MGAT5: variants seen among roughly 807,000 people sequenced by gnomAD.
The protein encoded by MGAT5 is alpha-1,6-mannosylglycoprotein 6-beta-N-acetylglucosaminyltransferase.
A neutral mutation model predicts 94.3 loss-of-function variants in MGAT5; 30 were observed. That is an observed-to-expected ratio of 0.32 (90% CI 0.24 to 0.43). The LOEUF (loss-of-function observed/expected upper bound fraction) is 0.43. Ranked by LOEUF, MGAT5 falls within the 20% of genes least tolerant of loss-of-function variation. The probability of loss-of-function intolerance (pLI) is 1.00; values close to 1 mark genes in which losing one functional copy is unlikely to be tolerated. For missense variants in MGAT5, 691 were observed against 905.5 expected, an observed-to-expected ratio of 0.76 and a Z score of 3.04; for synonymous variants, 310 against 322.9, an observed-to-expected ratio of 0.96 and a Z score of 0.43.
chr2:134,361,735 A>G (rs762615999), intron 9 of MGAT5, among the ~76,000 whole-genome samples: 21 of 152,120 alleles, frequency 1.4e-4, no homozygotes, highest in Non-Finnish European at 2.9e-4. Flanking sequence ...CCATAATTAC[A>G]TCTTTTATGA....
intron 10 of MGAT5, among the ~76,000 whole-genome samples, chr2:134,364,790 A>C (rs1680321318): frequency 6.6e-6 from 1 of 152,246 alleles, no homozygotes; most frequent in Admixed American, 6.5e-5. Context: ...TAAAGTTTTC[A>C]CATGAATTCA....
At chr2:134,183,184 T>A (rs1688834375) in intron 1 of MGAT5, among the ~76,000 whole-genome samples, 1 of 152,250 alleles carries the variant, frequency 6.6e-6, no homozygotes, top group South Asian at 2.1e-4. Flanking sequence ...CTGGGCAATT[T>A]TCAGTGGTAG....
At chr2:134,285,985 C>T (rs932124682) in intron 2 of MGAT5, among the ~76,000 whole-genome samples, 2 of 152,178 alleles carry the variant, frequency 1.3e-5, no homozygotes, top group Admixed American at 1.3e-4. Flanking sequence ...TCTGATACAT[C>T]TTTCTGTTTT....
intron 2 of MGAT5, among the ~76,000 whole-genome samples, chr2:134,292,242 G>A (rs563898566): frequency 3.3e-5 from 5 of 152,292 alleles, no homozygotes; most frequent in Non-Finnish European, 7.4e-5. Context: ...GGTATTTACT[G>A]TTAATAGCAA....
At chr2:134,402,846 G>A in intron 10 of MGAT5, 142 bp from the exon 11 acceptor site, 1 of 761,592 alleles carries the variant, frequency 1.3e-6, no homozygotes, top group South Asian at 2.8e-5. Context: ...AATTTTAGCA[G>A]TTTGATTGCC....
At chr2:134,264,100 G>A (rs1683528702) in intron 1 of MGAT5, among the ~76,000 whole-genome samples, 2 of 139,702 alleles carry the variant, frequency 1.4e-5, no homozygotes, top group Admixed American at 7.9e-5. Flanking sequence ...TCGGCTCGCC[G>A]CAATCTCCGC....
chr2:134,131,151 C>T (rs1686141455), intron 1 of MGAT5, among the ~76,000 whole-genome samples: 1 of 152,216 alleles, frequency 6.6e-6, no homozygotes, highest in South Asian at 2.1e-4. Context: ...CTCCTGAGGC[C>T]AGCGAGCTCA....
intron 1 of MGAT5, among the ~76,000 whole-genome samples, chr2:134,155,278 C>T (rs766792689): frequency 6.6e-6 from 1 of 152,228 alleles, no homozygotes; most frequent in Non-Finnish European, 1.5e-5. Context: ...CTTCCATTCT[C>T]ACTTCCCTGT....
upstream of MGAT5, among the ~76,000 whole-genome samples, chr2:134,250,798 C>T (rs924401893): frequency 6.6e-6 from 1 of 152,180 alleles, no homozygotes; most frequent in African/African-American, 2.4e-5. Flanking sequence ...TTCAAATTTG[C>T]ATGTCTCTGA....
intron 10 of MGAT5, among the ~76,000 whole-genome samples, chr2:134,371,308 A>C (rs1023404319): frequency 6.6e-6 from 1 of 152,182 alleles, no homozygotes; most frequent in Non-Finnish European, 1.5e-5. Context: ...TTTTGAGTTG[A>C]ATAACGAGTT....
At chr2:134,327,211 G>A (rs574128134) in intron 4 of MGAT5, among the ~76,000 whole-genome samples, 13 of 152,166 alleles carry the variant, frequency 8.5e-5, no homozygotes, top group African/African-American at 2.6e-4. Flanking sequence ...AAGCAGGGGC[G>A]TTTTGAGCAC....
intron 13 of MGAT5, among the ~76,000 whole-genome samples, chr2:134,426,257 C>T (rs903314338): frequency 6.6e-6 from 1 of 152,174 alleles, no homozygotes; most frequent in Admixed American, 6.5e-5. Flanking sequence ...ATCTCTCCCT[C>T]CTTTTTGCTT....
chr2:134,449,098 A>G lies in MGAT5; in HGVS notation c.*251A>G. 1.9e-6 allele frequency: 1 copy of G among 533,930 alleles called. No individual in the cohort carries two copies. The highest frequency in any genetic ancestry group is 3.4e-6 in the Non-Finnish European group (1 of 296,502). 33.1% of individuals were successfully genotyped at this position (533,930 alleles called of 1,614,324 possible). On this transcript the variant is annotated 3_prime_UTR_variant, in exon 16 of 16. Transcript: ENST00000281923. Reference sequence around the variant, plus strand: ...TGGCACAACATCATTTCTGTTTCTCAAGGAGCAACTGTGGGAAGACTGTCA... The same window carrying G: ...TGGCACAACATCATTTCTGTTTCTCGAGGAGCAACTGTGGGAAGACTGTCA...
chr2:134,120,658 G>T (rs543309479), intron 1 of MGAT5, among the ~76,000 whole-genome samples: 39 of 152,036 alleles, frequency 2.6e-4, no homozygotes, highest in South Asian at 6.2e-4. Context: ...GGCGAGCGGC[G>T]GGGGATGGCA....
Position 134,448,772 on chromosome 2 carries a change from C to A in MGAT5, c.2151C>A (p.His717Gln). Residue 717 changes from histidine to glutamine, a missense_variant, in exon 16 of 16, where the codon CAC (histidine) becomes CAA (glutamine). Physicochemically the swap from His to Gln is conservative, Grantham distance 24. Around this residue, in one of 4 missense-constraint regions of MGAT5, gnomAD observed 260 missense variants for 347.0 expected, o/e 0.75. Transcript: ENST00000281923. Reference sequence around the variant, plus strand: ...TGCTCTTCAGCTGTGCAGGCGCCCACCCCAGGCACCAGAGGGTCTGCCCCT... The same window carrying A: ...TGCTCTTCAGCTGTGCAGGCGCCCAACCCAGGCACCAGAGGGTCTGCCCCT... ...DLLLFSCAGAHPRHQRVCPCR... is the reference protein window; with the variant it reads ...DLLLFSCAGAQPRHQRVCPCR... The A allele has an allele frequency of 6.2e-7, 1 of 1,614,218 alleles. No homozygotes were observed. Among genetic ancestry groups the A allele is most frequent in the Non-Finnish European group, 8.5e-7 (1 of 1,180,030 alleles).
intron 1 of MGAT5, among the ~76,000 whole-genome samples, chr2:134,217,238 G>GTGTGTGTGTGTGTGTGTGTGTGTGT (rs1553495170): frequency 4.8e-5 from 7 of 145,226 alleles, no homozygotes; most frequent in African/African-American, 1.8e-4. Flanking sequence ...GAGAGAGAGT[G>GTGTGTGTGTGTGTGTGTGTGTGTGT]GTGTGTGTGT....
intron 1 of MGAT5, among the ~76,000 whole-genome samples, chr2:134,142,595 G>A (rs1573733352): frequency 6.6e-6 from 1 of 152,342 alleles, no homozygotes; most frequent in East Asian, 1.9e-4. Flanking sequence ...GAGGTCACAT[G>A]CTTCACATGA....
At chr2:134,218,567 C>T (rs1310284828) in intron 1 of MGAT5, among the ~76,000 whole-genome samples, 1 of 152,150 alleles carries the variant, frequency 6.6e-6, no homozygotes, top group African/African-American at 2.4e-5. Context: ...CACGGGGCTC[C>T]CTTCCACATG....
intron 1 of MGAT5, among the ~76,000 whole-genome samples, chr2:134,230,168 G>A (rs141008583): frequency 0.024 from 3,590 of 152,312 alleles, 62 homozygotes; most frequent in African/African-American, 0.041. Flanking sequence ...CAGATCATCA[G>A]GCATTAGATT....
Sources: gnomAD v4.1 joint callset for allele counts (sites outside exome capture counted in the v4.1 genomes callset) on GRCh38, gnomAD v4.1.1 for gene constraint, gnomAD v4.1.1 regional missense constraint, MANE v1.5 for transcripts, NCBI Gene and HGNC (gene_info 2026-07-23, HGNC 2026-07-21) for gene names.